The following DRAXIN variants were observed in gnomAD, a reference collection of about 807,000 sequenced individuals.
DRAXIN encodes dorsal repulsive axon guidance protein.
DRAXIN carries 27 observed loss-of-function variants against 33.9 expected under a neutral mutation model. The ratio of observed to expected loss-of-function variants is 0.80; its 90% CI spans 0.59 to 1.10. The LOEUF (loss-of-function observed/expected upper bound fraction) is 1.10, where lower values mean the gene tolerates loss of function less well. Among genes scored for constraint, DRAXIN ranks in the 50% least tolerant of loss-of-function variants. DRAXIN has a pLI of 0.00. For missense variants in DRAXIN, 371 were observed against 460.8 expected (o/e 0.81, Z 1.78); for synonymous variants, 178 against 194.0 (o/e 0.92, Z 0.69).
intron 3 of DRAXIN, among the ~76,000 whole-genome samples, chr1:11,710,048 G>T (rs1174695055): frequency 6.6e-6 from 1 of 152,104 alleles, no homozygotes; most frequent in Non-Finnish European, 1.5e-5. Flanking sequence ...AGCTGAGTGT[G>T]GTGGCGCACG....
At chr1:11,716,666 T>C (rs1641582401) in intron 6 of DRAXIN, among the ~76,000 whole-genome samples, 1 of 152,192 alleles carries the variant, frequency 6.6e-6, no homozygotes, top group Non-Finnish European at 1.5e-5. Flanking sequence ...ATTGTGGACT[T>C]TTAAATTTAA....
chr1:11,719,544 C>T (rs1172051826), intron 6 of DRAXIN, 40 bp from the exon 7 acceptor site: 10 of 1,541,270 alleles, frequency 6.5e-6, no homozygotes, highest in Non-Finnish European at 7.1e-6. Context: ...AGGGCACGGG[C>T]CCTTCGCGCC....
rs951113224 is a variant in DRAXIN, at chr1:11,705,973, C to T, written c.-10-276C>T. On this transcript the variant is annotated intron_variant, in intron 1 of 6. Coordinates refer to ENST00000294485, the MANE Select transcript of DRAXIN (RefSeq NM_198545.4). This position sits in a 1 kb window ranked among gnomAD's most constrained non-coding sequence, Gnocchi z 4.8. The stretch of plus-strand genomic sequence containing the variant: ...GATTTAAGCCGGGGGTTCTCAGCCT[C>T]GGTACTGTTGTTTTTCTGGGCCGGA... 1.3e-5 allele frequency among the ~76,000 whole-genome samples: 2 copies of T among 152,060 alleles called. No individual in the cohort carries two copies. The highest frequency in any genetic ancestry group is 2.9e-5 in the Non-Finnish European group (2 of 68,014).
At chr1:11,695,611 A>ATATAT (rs1207189674) in intron 1 of DRAXIN, among the ~76,000 whole-genome samples, 2 of 145,174 alleles carry the variant, frequency 1.4e-5, no homozygotes, top group African/African-American at 2.5e-5. Flanking sequence ...CAAAAAAAAA[A>ATATAT]ATATATATAT....
chr1:11,688,887 G>T (rs149469552), upstream of DRAXIN, among the ~76,000 whole-genome samples: 680 of 152,276 alleles, frequency 4.5e-3, 3 homozygotes, highest in South Asian at 0.021. The surrounding 1 kb of genome is among the most constrained non-coding windows in gnomAD (Gnocchi z 4.6). Context: ...CCCACCAAAA[G>T]CAAGATGGCC....
Position 11,706,705 on chromosome 1 carries a change from C to T in DRAXIN, c.447C>T (p.His149=), listed in dbSNP as rs1641388966. 2 of 1,569,812 alleles carry T rather than the reference C, an allele frequency of 1.3e-6. No homozygotes were observed. Among genetic ancestry groups the T allele is most frequent in the Non-Finnish European group, 8.6e-7 (1 of 1,162,022 alleles). Residue 149 remains histidine, a synonymous_variant, in exon 2 of 7, where the codon CAC becomes CAT. Transcript: ENST00000294485. This position sits in a 1 kb window ranked among gnomAD's most constrained non-coding sequence, Gnocchi z 5.5. ...GACGCAGGGACAGGTTGAGGCTGCA[C>T]CAAGGTAGCTGGAGGGCTGCGAGGG... ...HKRRRDRLRL[H]QGRALVRGPS...
intron 1 of DRAXIN, among the ~76,000 whole-genome samples, chr1:11,699,830 G>C (rs1247591428): frequency 2.0e-5 from 3 of 152,124 alleles, no homozygotes; most frequent in Non-Finnish European, 4.4e-5. Flanking sequence ...GGGAGGCTAA[G>C]GCAGGAGAAT....
chr1:11,710,480 G>C (rs1356279854), intron 3 of DRAXIN, among the ~76,000 whole-genome samples: 1 of 151,928 alleles, frequency 6.6e-6, no homozygotes, highest in African/African-American at 2.4e-5. Context: ...GGGCGACAGA[G>C]TGAGACCCTG....
rs563157623 is a variant in DRAXIN at position 11,705,153 on chromosome 1, C to T, written c.-10-1096C>T. Among the ~76,000 whole-genome samples, 18 of 152,284 alleles carry T rather than the reference C, an allele frequency of 1.2e-4. No homozygotes were observed. Among genetic ancestry groups the T allele is most frequent in the Non-Finnish European group, 2.4e-4 (16 of 68,012 alleles). On this transcript the variant is annotated intron_variant, in intron 1 of 6. Coordinates refer to ENST00000294485, the MANE Select transcript of DRAXIN (RefSeq NM_198545.4). The surrounding 1 kb of genome is among the most constrained non-coding windows in gnomAD (Gnocchi z 4.8). The stretch of plus-strand genomic sequence containing the variant: ...GCCACAAATCACAAAGAAACGGTGG[C>T]GTAAGCACCCTTGCCAGCCTAGTGG...
rs1047710871 is a variant in DRAXIN, at chr1:11,705,467, G to C, written c.-10-782G>C. On this transcript the variant is annotated intron_variant, in intron 1 of 6. Transcript: ENST00000294485. This position sits in a 1 kb window ranked among gnomAD's most constrained non-coding sequence, Gnocchi z 4.8. The stretch of plus-strand genomic sequence containing the variant: ...GGGTCAGAGCCAAGTCTGCAAAGCT[G>C]TTCCCAAAGCCCCTCCCCCAGGGGA... Among the ~76,000 whole-genome samples, 2 of 152,082 alleles carry C rather than the reference G, an allele frequency of 1.3e-5. No individual in the cohort carries two copies. The highest frequency in any genetic ancestry group is 2.9e-5 in the Non-Finnish European group (2 of 68,012).
At position 11,715,221 on chromosome 1, in the gene DRAXIN, T is replaced by G. The variant is rs371541689; in HGVS notation, c.937+13T>G. The G allele has an allele frequency of 5.5e-5, 88 of 1,614,126 alleles. No homozygotes were observed. Among genetic ancestry groups the G allele is most frequent in the Middle Eastern group, 4.9e-4 (3 of 6,062 alleles). ...ATGTGTGTGGAAGGTGGGTCCAGAC[T>G]CCTTTGCGGGGGGCTACCCATGCTC... is the stretch of plus-strand genomic sequence containing the variant. On this transcript the variant is annotated intron_variant, in intron 6 of 6. Transcript: ENST00000294485.
intron 1 of DRAXIN, among the ~76,000 whole-genome samples, chr1:11,699,953 G>A (rs1160170325): frequency 6.9e-6 from 1 of 145,638 alleles, no homozygotes; most frequent in East Asian, 2.1e-4. Context: ...AATAAATAAA[G>A]TAAATCCAGG....
chr1:11,703,400 C>T (rs529083388), intron 1 of DRAXIN, among the ~76,000 whole-genome samples: 2 of 152,152 alleles, frequency 1.3e-5, no homozygotes, highest in Admixed American at 6.5e-5. Flanking sequence ...GCAGAGGGGA[C>T]AGGCAAAGTG....
intron 1 of DRAXIN, among the ~76,000 whole-genome samples, chr1:11,701,030 G>A (rs766333906): frequency 9.0e-4 from 137 of 152,284 alleles, no homozygotes; most frequent in Non-Finnish European, 1.6e-3. Context: ...TCGATTCATC[G>A]CCTTCGTTTG....
intron 1 of DRAXIN, among the ~76,000 whole-genome samples, chr1:11,700,938 G>A: frequency 6.6e-6 from 1 of 152,196 alleles, no homozygotes; most frequent in East Asian, 1.9e-4. Context: ...GGCAGGCGGG[G>A]CAGGATCCCC....
upstream of DRAXIN, among the ~76,000 whole-genome samples, chr1:11,686,952 A>G (rs1640968215): frequency 6.6e-6 from 1 of 152,054 alleles, no homozygotes; most frequent in Non-Finnish European, 1.5e-5. Context: ...GAACATTTTC[A>G]TCACTCCTGA....
chr1:11,711,970 GC>G lies in DRAXIN; in HGVS notation c.757+8del. 1 of 1,609,686 alleles carries G rather than the reference GC, an allele frequency of 6.2e-7. No individual in the cohort carries two copies. Among genetic ancestry groups the G allele is most frequent in the Non-Finnish European group, 8.5e-7 (1 of 1,177,612 alleles). On this transcript the variant is annotated splice_donor_region_variant and intron_variant, in intron 4 of 6. Coordinates refer to ENST00000294485, the MANE Select transcript of DRAXIN (RefSeq NM_198545.4). ...GGCCCTCTGCAAAGAAGAAAGGTATGCCCACCTACCCCACTATCTTCCATGC... is the reference window on the plus strand; with the variant it reads ...GGCCCTCTGCAAAGAAGAAAGGTATGCCACCTACCCCACTATCTTCCATGC...
upstream of DRAXIN, among the ~76,000 whole-genome samples, chr1:11,687,396 C>T (rs1327633446): frequency 2.0e-5 from 3 of 152,180 alleles, no homozygotes; most frequent in Admixed American, 2.0e-4. This position sits in a 1 kb window ranked among gnomAD's most constrained non-coding sequence, Gnocchi z 4.1. Flanking sequence ...ACCTCCATCA[C>T]GCTTGGCTAA....
At chr1:11,687,039 T>A (rs907243116), upstream of DRAXIN, among the ~76,000 whole-genome samples, 3 of 152,108 alleles carry the variant, frequency 2.0e-5, no homozygotes, top group Non-Finnish European at 4.4e-5. This position sits in a 1 kb window ranked among gnomAD's most constrained non-coding sequence, Gnocchi z 4.1. Flanking sequence ...CTACTTTCTG[T>A]TCTATGGATT....
Sources: gnomAD v4.1 joint callset for allele counts (sites outside exome capture counted in the v4.1 genomes callset) on GRCh38, gnomAD v4.1.1 for gene constraint, Gnocchi (gnomAD v3.1) non-coding constraint, MANE v1.5 for transcripts, NCBI Gene and HGNC (gene_info 2026-07-23, HGNC 2026-07-21) for gene names.